Variants in SNTG2 observed in about 807,000 individuals in gnomAD.
SNTG2 encodes the protein syntrophin gamma 2.
Under a neutral mutation model 70.9 loss-of-function variants are expected in SNTG2, and 74 were observed. The observed-to-expected ratio is 1.04, with a 90% CI of 0.86 to 1.27. SNTG2 has a LOEUF of 1.27. SNTG2 is among the 50% of genes most tolerant of loss of function. The pLI, the probability that SNTG2 is intolerant of heterozygous loss-of-function variation, is 0.00. For synonymous variants in SNTG2, 278 were observed against 273.8 expected (o/e 1.02, Z -0.15); for missense variants, 717 against 690.7 (o/e 1.04, Z -0.43).
At chr2:1,307,039 T>C (rs1197417285) in intron 14 of SNTG2, among the ~76,000 whole-genome samples, 4 of 150,604 alleles carry the variant, frequency 2.7e-5, no homozygotes, top group Non-Finnish European at 4.4e-5. Context: ...GCTGTGTGTG[T>C]GTGGTGTGTG....
chr2:1,279,643 G>A (rs1054377323), intron 14 of SNTG2, among the ~76,000 whole-genome samples: 8 of 152,122 alleles, frequency 5.3e-5, no homozygotes, highest in Non-Finnish European at 8.8e-5. Context: ...TATCTGTACC[G>A]CATCTCTGAT....
chr2:1,226,314 G>T (rs1388191228), intron 9 of SNTG2, among the ~76,000 whole-genome samples: 2 of 152,224 alleles, frequency 1.3e-5, no homozygotes. Flanking sequence ...TCAAAAACGG[G>T]ATGATTGCTC....
chr2:1,282,085 A>G (rs1171630234), intron 14 of SNTG2, among the ~76,000 whole-genome samples: 1 of 152,198 alleles, frequency 6.6e-6, no homozygotes, highest in African/African-American at 2.4e-5. Context: ...CGTAATAAAT[A>G]TTAAGATCAT....
In SNTG2 at chr2:1,141,741, C is replaced by A. The variant is rs776210300; in HGVS notation, c.411+3932C>A. Among the ~76,000 whole-genome samples the A allele has an allele frequency of 7.9e-5, 12 of 152,144 alleles. 1 individual carries two copies. The highest frequency in any genetic ancestry group is 7.9e-4 in the Admixed American group (12 of 15,276). On this transcript the variant is annotated intron_variant, in intron 6 of 16. Transcript: ENST00000308624. ...CTGAATCCAGGGGTCCAGACACCAA[C>A]GTGGAGGTTCCACCAGTAGGACACA... is the stretch of plus-strand genomic sequence containing the variant.
chr2:1,302,347 A>AAT (rs1680490081), intron 14 of SNTG2, among the ~76,000 whole-genome samples: 3 of 152,236 alleles, frequency 2.0e-5, no homozygotes, highest in African/African-American at 7.2e-5. Flanking sequence ...AACTATTTGA[A>AAT]ATATATATAC....
chr2:1,118,169 C>T (rs116298325), intron 4 of SNTG2, among the ~76,000 whole-genome samples: 1,734 of 152,160 alleles, frequency 0.011, 36 homozygotes, highest in African/African-American at 0.04. Flanking sequence ...TTCACGTCAC[C>T]CCAGGGCCCT....
intron 16 of SNTG2, among the ~76,000 whole-genome samples, chr2:1,338,928 T>C (rs547242098): frequency 1.3e-5 from 2 of 152,358 alleles, no homozygotes; most frequent in East Asian, 3.9e-4. Flanking sequence ...AACTTTCTTA[T>C]GGAACTGCTC....
intron 4 of SNTG2, among the ~76,000 whole-genome samples, chr2:1,101,230 C>G (rs892096010): frequency 9.9e-5 from 15 of 152,186 alleles, no homozygotes; most frequent in Non-Finnish European, 2.1e-4. Flanking sequence ...GCCCCCTCCC[C>G]CAGCCAGCTT....
At chr2:1,111,336 G>C (rs1210870833) in intron 4 of SNTG2, among the ~76,000 whole-genome samples, 1 of 152,236 alleles carries the variant, frequency 6.6e-6, no homozygotes, top group African/African-American at 2.4e-5. Context: ...TGAGTAACAA[G>C]AGGCTTCCTC....
chr2:1,175,698 C>T (rs1309594133), intron 8 of SNTG2, among the ~76,000 whole-genome samples: 1 of 152,208 alleles, frequency 6.6e-6, no homozygotes, highest in Non-Finnish European at 1.5e-5. Context: ...CCCAAGCCAG[C>T]ACAGTTCAGC....
chr2:960,726 T>C (rs1660320454), intron 1 of SNTG2, among the ~76,000 whole-genome samples: 1 of 145,684 alleles, frequency 6.9e-6, no homozygotes, highest in Admixed American at 6.9e-5. Context: ...GGGGTGCTCC[T>C]ACTGCCTGCT....
At chr2:1,330,471 C>G (rs1370974390) in intron 16 of SNTG2, among the ~76,000 whole-genome samples, 2 of 152,100 alleles carry the variant, frequency 1.3e-5, no homozygotes, top group Non-Finnish European at 2.9e-5. Flanking sequence ...CCTGGGAAAG[C>G]CTGGTGTTCC....
intron 14 of SNTG2, among the ~76,000 whole-genome samples, chr2:1,306,832 C>T (rs1330913219): frequency 2.6e-5 from 4 of 151,340 alleles, no homozygotes; most frequent in African/African-American, 7.3e-5. Context: ...CGCTGTGAGC[C>T]GCGCTGTGTG....
At chr2:1,328,301 G>A (rs1049832651) in intron 16 of SNTG2, among the ~76,000 whole-genome samples, 39 of 152,076 alleles carry the variant, frequency 2.6e-4, no homozygotes, top group Admixed American at 2.0e-3. Flanking sequence ...GGATAGACAC[G>A]TACATGCATG....
At chr2:1,179,244 C>CAAAA (rs1299490854) in intron 8 of SNTG2, among the ~76,000 whole-genome samples, 1 of 151,966 alleles carries the variant, frequency 6.6e-6, no homozygotes, top group Non-Finnish European at 1.5e-5. Flanking sequence ...TTGATCCTTT[C>CAAAA]AAAAAACCAG....
chr2:1,281,413 G>GTGTTTATGTGGTGTGT lies in SNTG2; in HGVS notation c.1284+13845_1284+13846insTTATGTGGTGTGTTGT, dbSNP rs1679531360. Among the ~76,000 whole-genome samples, 6 of 73,312 alleles carry GTGTTTATGTGGTGTGT rather than the reference G, an allele frequency of 8.2e-5. 1 individual carries two copies. The highest frequency in any genetic ancestry group is 5.6e-4 in the Admixed American group (4 of 7,196). The allele number at this position is 73,312 out of a possible 152,430, so 48.1% of individuals were successfully genotyped here. ...GGTGTGTGTTTATGTGGTGTGTTGT[G>GTGTTTATGTGGTGTGT]TGTGTGTGTGTGGTGTGGTGTGTGT... On this transcript the variant is annotated intron_variant, in intron 14 of 16. Transcript: ENST00000308624.
intron 1 of SNTG2, among the ~76,000 whole-genome samples, chr2:1,030,831 A>G (rs941148736): frequency 4.6e-5 from 7 of 152,222 alleles, no homozygotes; most frequent in Non-Finnish European, 7.3e-5. Flanking sequence ...GAAGAAATCC[A>G]TGGTTCTGCT....
chr2:1,320,313 T>C (rs1681460887), intron 16 of SNTG2, among the ~76,000 whole-genome samples: 1 of 151,788 alleles, frequency 6.6e-6, no homozygotes. Flanking sequence ...GGCGGGTGAA[T>C]CATGAGGTCA....
intron 6 of SNTG2, among the ~76,000 whole-genome samples, chr2:1,143,798 G>A (rs1199462018): frequency 1.3e-5 from 2 of 150,744 alleles, no homozygotes; most frequent in South Asian, 2.1e-4. Flanking sequence ...GCTTGAGCCC[G>A]GGAGGCAGAG....
Sources: gnomAD v4.1 joint callset for allele counts (sites outside exome capture counted in the v4.1 genomes callset) on GRCh38, gnomAD v4.1.1 for gene constraint, MANE v1.5 for transcripts, NCBI Gene and HGNC (gene_info 2026-07-23, HGNC 2026-07-21) for gene names.